Variants in WDR20 observed in about 807,000 individuals in gnomAD.
WDR20 encodes the protein WD repeat domain 20.
Under a neutral mutation model 38.7 loss-of-function variants are expected in WDR20, and 3 were observed. That is an observed-to-expected ratio of 0.08 (90% CI 0.04 to 0.20). The LOEUF (loss-of-function observed/expected upper bound fraction) is 0.20, where lower values mean the gene tolerates loss of function less well. Ranked by LOEUF, WDR20 falls within the 10% of genes least tolerant of loss-of-function variation. The probability of loss-of-function intolerance (pLI) is 1.00; values close to 1 mark genes in which losing one functional copy is unlikely to be tolerated. For missense variants in WDR20, 559 were observed against 727.7 expected, an observed-to-expected ratio of 0.77 and a Z score of 2.67; for synonymous variants, 298 against 285.6, an observed-to-expected ratio of 1.04 and a Z score of -0.44.
rs1269433864 is a variant in WDR20, at chr14:102,210,472, AT to A, written c.*596del. The A allele has an allele frequency of 4.1e-6, 4 of 985,126 alleles. No homozygotes were observed. In the African/African-American group the frequency reaches 7.0e-5, roughly 17 times the overall value. 61.0% of individuals were successfully genotyped at this position (985,126 alleles called of 1,614,324 possible). On this transcript the variant is annotated 3_prime_UTR_variant, in exon 3 of 3. Coordinates refer to ENST00000342702, the MANE Select transcript of WDR20 (RefSeq NM_144574.4). Reference sequence around the variant, plus strand: ...AGAAGAGCCTTAATTTTTAAAACCCATTTTAGTCATTTTATGACAATTAAAG... The same window carrying A: ...AGAAGAGCCTTAATTTTTAAAACCCATTTAGTCATTTTATGACAATTAAAG...
intron 1 of WDR20, among the ~76,000 whole-genome samples, chr14:102,189,384 A>G (rs1408685368): frequency 6.6e-6 from 1 of 152,222 alleles, no homozygotes; most frequent in African/African-American, 2.4e-5. Flanking sequence ...AAGTATGATG[A>G]GACTGTCAAA....
chr14:102,222,729 G>A lies in WDR20; in HGVS notation c.1693-101G>A. On this transcript the variant is annotated intron_variant, in intron 3 of 3. Coordinates refer to the WDR20 transcript ENST00000335263. The surrounding 1 kb of genome is among the most constrained non-coding windows in gnomAD (Gnocchi z 4.4). ...TCCCACACTGGCTTCCACATCAACA[G>A]CACCAGTTTTGACCACGTGGAGCTG... 7.9e-7 allele frequency: 1 copy of A among 1,260,636 alleles called. No individual in the cohort carries two copies. Among genetic ancestry groups the A allele is most frequent in the Non-Finnish European group, 1.2e-6 (1 of 863,620 alleles). 78.1% of individuals were successfully genotyped at this position (1,260,636 alleles called of 1,614,324 possible). A position where few individuals can be genotyped will look rare whatever the true frequency, so the allele number is the denominator to read the frequency against.
intron 1 of WDR20, among the ~76,000 whole-genome samples, chr14:102,186,553 G>C (rs1370117809): frequency 6.6e-6 from 1 of 151,688 alleles, no homozygotes; most frequent in African/African-American, 2.4e-5. Context: ...ACCCCCCTCC[G>C]GTTTCACCAG....
intron 1 of WDR20, among the ~76,000 whole-genome samples, chr14:102,180,864 T>C (rs1462712676): frequency 1.3e-5 from 2 of 152,216 alleles, no homozygotes; most frequent in African/African-American, 4.8e-5. Flanking sequence ...GCTGCCTGTT[T>C]CCGCCATCCT....
At chr14:102,140,251 G>A (rs2050387055) in intron 1 of WDR20, 79 bp downstream of exon 1, 19 of 1,573,122 alleles carry the variant, frequency 1.2e-5, no homozygotes, top group Non-Finnish European at 1.6e-5. Context: ...TGGGGCCAGG[G>A]TGACCGAGAG....
intron 1 of WDR20, among the ~76,000 whole-genome samples, chr14:102,153,839 C>CT (rs2056739435): frequency 6.6e-6 from 1 of 152,214 alleles, no homozygotes; most frequent in African/African-American, 2.4e-5. Flanking sequence ...AGAACCTACT[C>CT]TTGACCATCG....
intron 1 of WDR20, among the ~76,000 whole-genome samples, chr14:102,158,157 A>C (rs1482757003): frequency 6.6e-6 from 1 of 152,128 alleles, no homozygotes; most frequent in Non-Finnish European, 1.5e-5. Context: ...TGCCTACTGC[A>C]CATCTGCACG....
downstream of WDR20, among the ~76,000 whole-genome samples, chr14:102,210,892 C>T (rs1327494914): frequency 6.6e-6 from 1 of 152,172 alleles, no homozygotes. Flanking sequence ...AGCGGAAGTG[C>T]AGGTTTCCCC....
chr14:102,207,108 G>A lies in WDR20; in HGVS notation c.433-1495G>A, dbSNP rs1251719054. On this transcript the variant is annotated intron_variant, in intron 2 of 2. Coordinates refer to ENST00000342702, the MANE Select transcript of WDR20 (RefSeq NM_144574.4). The surrounding 1 kb of genome is among the most constrained non-coding windows in gnomAD (Gnocchi z 5.0). ...TGTCCCCAAGGCTGGCTTGCCACGT[G>A]CCTATTAATTTAAGAGGACCAGCCA... 6.6e-6 allele frequency among the ~76,000 whole-genome samples: 1 copy of A among 152,222 alleles called. No homozygotes were observed. Among genetic ancestry groups the A allele is most frequent in the African/African-American group, 2.4e-5 (1 of 41,462 alleles).
downstream of WDR20, chr14:102,214,573 G>A (rs1331146836): frequency 1.0e-6 from 1 of 985,260 alleles, no homozygotes; most frequent in Non-Finnish European, 1.2e-6. Flanking sequence ...ATTTGAAAGT[G>A]TAAAAAATTT....
intron 1 of WDR20, among the ~76,000 whole-genome samples, chr14:102,158,030 C>T (rs2057822971): frequency 6.6e-6 from 1 of 152,010 alleles, no homozygotes; most frequent in South Asian, 2.1e-4. Context: ...TCAATGTTTT[C>T]AGCCCCTGCC....
At chr14:102,206,909 T>A (rs931662312) in intron 2 of WDR20, among the ~76,000 whole-genome samples, 1 of 152,210 alleles carries the variant, frequency 6.6e-6, no homozygotes, top group Non-Finnish European at 1.5e-5. Context: ...GCTCTGGCCA[T>A]GTAAATTATC....
chr14:102,145,229 A>C (rs1174115236), intron 1 of WDR20, among the ~76,000 whole-genome samples: 1 of 152,238 alleles, frequency 6.6e-6, no homozygotes, highest in Non-Finnish European at 1.5e-5. Flanking sequence ...AGAGATCTTT[A>C]GAAGATGAAA....
intron 2 of WDR20, chr14:102,198,287 T>A (rs1180922522): frequency 2.9e-6 from 1 of 347,372 alleles, no homozygotes; most frequent in Non-Finnish European, 5.7e-6. Flanking sequence ...CTGACTAATT[T>A]TTGTATTTTT....
downstream of WDR20, chr14:102,224,559 C>T (rs1358047497): frequency 8.8e-6 from 4 of 456,042 alleles, no homozygotes; most frequent in Admixed American, 9.4e-5. Context: ...ACCTATTTCT[C>T]TAATTCATCA....
In WDR20 at chr14:102,208,212, G is replaced by T. The variant is rs932635464; in HGVS notation, c.433-391G>T. ...TCACAGGCTTCACCTGCAGGTCCTC[G>T]TAGAGGGGATACCACATGCAGATGC... On this transcript the variant is annotated intron_variant, in intron 2 of 2. Coordinates refer to ENST00000342702, the MANE Select transcript of WDR20 (RefSeq NM_144574.4). The surrounding 1 kb of genome is among the most constrained non-coding windows in gnomAD (Gnocchi z 5.6). Among the ~76,000 whole-genome samples the T allele has an allele frequency of 2.0e-5, 3 of 152,220 alleles. No individual in the cohort carries two copies. Among genetic ancestry groups the T allele is most frequent in the Non-Finnish European group, 4.4e-5 (3 of 68,026 alleles).
At chr14:102,139,832 C>T, upstream of WDR20, 1 of 1,540,196 alleles carries the variant, frequency 6.5e-7, no homozygotes, top group Non-Finnish European at 8.8e-7. Context: ...AAGGAAGAGG[C>T]AGGGGGTGGG....
rs906853577 is a variant in WDR20 at position 102,208,622 on chromosome 14, G to A, written c.452G>A (p.Arg151Gln). The A allele has an allele frequency of 3.7e-6, 6 of 1,608,938 alleles. No individual in the cohort carries two copies. The highest frequency in any genetic ancestry group is 1.3e-5 in the African/African-American group (1 of 74,932). The change falls in exon 3 of 3, where the codon CGA (arginine) becomes CAA (glutamine). Residue 151 changes from arginine (R) to glutamine (Q), a missense_variant. Transcript: ENST00000342702. The surrounding 1 kb of genome is among the most constrained non-coding windows in gnomAD (Gnocchi z 5.6). ...FNEERLIDKS[R>Q]VTCVKWVPGS... ...TCACAGAGACTAATAGACAAGTCAC[G>A]AGTTACCTGTGTCAAATGGGTTCCC...
chr14:102,217,738 G>A (rs1247167899), downstream of WDR20, among the ~76,000 whole-genome samples: 2 of 152,252 alleles, frequency 1.3e-5, no homozygotes, highest in East Asian at 3.8e-4. Flanking sequence ...TGTGGTCTGT[G>A]TAGTGAGAAT....
Sources: allele counts gnomAD v4.1 joint callset (sites outside exome capture counted in the v4.1 genomes callset), GRCh38; gene constraint gnomAD v4.1.1; non-coding constraint Gnocchi (gnomAD v3.1); transcripts MANE v1.5; gene names NCBI Gene and HGNC (gene_info 2026-07-23, HGNC 2026-07-21).